Variants in ECHDC1 observed in about 807,000 individuals in gnomAD.
The protein encoded by ECHDC1 is ethylmalonyl-CoA decarboxylase 1.
ECHDC1 carries 29 observed loss-of-function variants against 29.7 expected under a neutral mutation model. That is an observed-to-expected ratio of 0.98 (90% CI 0.73 to 1.33). ECHDC1 has a LOEUF of 1.33. Ranked by LOEUF, ECHDC1 falls within the 40% of genes most tolerant of loss-of-function variation. The pLI is 0.00. For missense variants in ECHDC1, 328 were observed against 350.0 expected (o/e 0.94, Z 0.50); for synonymous variants, 126 against 123.1 (o/e 1.02, Z -0.15).
chr6:127,327,724 G>A (rs1056243385), intron 2 of ECHDC1, among the ~76,000 whole-genome samples: 6 of 152,148 alleles, frequency 3.9e-5, no homozygotes, highest in Non-Finnish European at 5.9e-5. Flanking sequence ...TGAGGCATAC[G>A]ATGGAAGTTC....
At position 127,324,342 on chromosome 6, in the gene ECHDC1, C is replaced by T. The variant is rs1294074461; in HGVS notation, c.363+2660G>A. On this transcript the variant is annotated intron_variant, in intron 3 of 5. Coordinates refer to ENST00000454859, the MANE Select transcript of ECHDC1 (RefSeq NM_001002030.2). ...CATTAGCTAACTCAATCCTCAAAAA[C>T]GCCTGTGAGATAGATTTTATATATC... Among the ~76,000 whole-genome samples the T allele has an allele frequency of 3.9e-5, 6 of 152,116 alleles. 1 individual carries two copies. The highest frequency in any genetic ancestry group is 9.7e-5 in the African/African-American group (4 of 41,418).
intron 3 of ECHDC1, among the ~76,000 whole-genome samples, chr6:127,316,747 A>AGAT (rs1782415630): frequency 6.6e-6 from 1 of 152,140 alleles, no homozygotes; most frequent in Non-Finnish European, 1.5e-5. Context: ...GATAAGAGAC[A>AGAT]GATCACATAC....
At chr6:127,321,279 T>C (rs1019859702) in intron 3 of ECHDC1, among the ~76,000 whole-genome samples, 5 of 152,198 alleles carry the variant, frequency 3.3e-5, no homozygotes, top group African/African-American at 1.2e-4. Context: ...AGAGCCTCAC[T>C]AACAGACAAA....
At chr6:127,297,171 T>G (rs76547443) in intron 5 of ECHDC1, among the ~76,000 whole-genome samples, 1 of 152,196 alleles carries the variant, frequency 6.6e-6, no homozygotes, top group Non-Finnish European at 1.5e-5. Flanking sequence ...CTATCTCTTA[T>G]GGAAGAAAAT....
chr6:127,303,374 T>C (rs1432937903), intron 5 of ECHDC1, among the ~76,000 whole-genome samples: 1 of 152,210 alleles, frequency 6.6e-6, no homozygotes, highest in African/African-American at 2.4e-5. Flanking sequence ...TTCAAAGTGC[T>C]AATCCAGTGA....
intron 1 of ECHDC1, among the ~76,000 whole-genome samples, chr6:127,338,527 G>A (rs1321767734): frequency 1.3e-5 from 2 of 151,896 alleles, no homozygotes; most frequent in East Asian, 3.9e-4. Context: ...GAATTATGAT[G>A]CTTTATTGCC....
intron 3 of ECHDC1, among the ~76,000 whole-genome samples, chr6:127,318,698 T>G (rs994167132): frequency 6.6e-6 from 1 of 152,352 alleles, no homozygotes; most frequent in East Asian, 1.9e-4. Flanking sequence ...GGTGACAGTA[T>G]GCCTTCCCCC....
rs1779994515 is a variant in ECHDC1, at chr6:127,290,020, TC to T, written c.754del (p.Glu252LysfsTer2). ...AGATTTTTTCAAAGCTCTAATTACT[TC>T]CGGTGGCCCTTGGATGAATTGCTTT... ...WLKQFIQGPP[E>X]VIRALKKSVC... is the part of the protein sequence containing the mutation. On this transcript the variant is annotated frameshift_variant, in exon 6 of 6. Coordinates refer to ENST00000454859, the MANE Select transcript of ECHDC1 (RefSeq NM_001002030.2). LOFTEE classifies it high-confidence loss of function. The T allele has an allele frequency of 6.2e-7, 1 of 1,613,626 alleles. No homozygotes were observed.
chr6:127,323,672 C>G (rs1193015561), intron 3 of ECHDC1, among the ~76,000 whole-genome samples: 2 of 152,112 alleles, frequency 1.3e-5, no homozygotes, highest in East Asian at 1.9e-4. Flanking sequence ...AGCCAGTGTT[C>G]TGATTAACCA....
intron 5 of ECHDC1, among the ~76,000 whole-genome samples, chr6:127,302,459 C>T (rs1033645929): frequency 6.6e-6 from 1 of 151,556 alleles, no homozygotes; most frequent in African/African-American, 2.4e-5. Flanking sequence ...GAGTGCAGTG[C>T]CGCCATCTCA....
At chr6:127,301,722 A>C (rs1781067386) in intron 5 of ECHDC1, among the ~76,000 whole-genome samples, 1 of 152,220 alleles carries the variant, frequency 6.6e-6, no homozygotes, top group African/African-American at 2.4e-5. Flanking sequence ...GCGGGTTTTA[A>C]AAGGGCTGAG....
At chr6:127,311,669 C>CAAAAAAAAA (rs71272311) in intron 5 of ECHDC1, among the ~76,000 whole-genome samples, 9 of 25,038 alleles carry the variant, frequency 3.6e-4, no homozygotes, top group African/African-American at 6.5e-4. Flanking sequence ...GGCTCTGTCT[C>CAAAAAAAAA]AAAAAAAAAA....
intron 5 of ECHDC1, among the ~76,000 whole-genome samples, chr6:127,295,826 G>A (rs1012881632): frequency 6.6e-6 from 1 of 152,140 alleles, no homozygotes; most frequent in Non-Finnish European, 1.5e-5. Context: ...AATTATCACA[G>A]CATTAATCAT....
intron 5 of ECHDC1, among the ~76,000 whole-genome samples, chr6:127,313,799 A>G (rs1169753090): frequency 2.6e-5 from 4 of 152,218 alleles, no homozygotes; most frequent in Non-Finnish European, 4.4e-5. Flanking sequence ...GTTGTATAAG[A>G]TAATCTTAAA....
At position 127,312,428 on chromosome 6, in the gene ECHDC1, A is replaced by C. The variant is rs149056296; in HGVS notation, c.497+2388T>G. Among the ~76,000 whole-genome samples the C allele has an allele frequency of 3.3e-5, 5 of 152,302 alleles. 1 individual carries two copies. Among genetic ancestry groups the C allele is most frequent in the Admixed American group, 2.6e-4 (4 of 15,298 alleles). On this transcript the variant is annotated intron_variant, in intron 5 of 5. Transcript: ENST00000454859. Reference sequence around the variant, plus strand: ...AATCTAAACAGCTTGACAGTACCACATGTTGGTATTCATGTGGTGCAGCTG... The same window carrying C: ...AATCTAAACAGCTTGACAGTACCACCTGTTGGTATTCATGTGGTGCAGCTG...
intron 5 of ECHDC1, among the ~76,000 whole-genome samples, chr6:127,302,276 C>T (rs1189703043): frequency 7.9e-5 from 12 of 152,168 alleles, no homozygotes; most frequent in South Asian, 4.2e-4. Context: ...AGGTGAACAC[C>T]GGAATCTATG....
In ECHDC1 at chr6:127,309,892, G is replaced by A. The variant is rs182224151; in HGVS notation, c.497+4924C>T. On this transcript the variant is annotated intron_variant, in intron 5 of 5. Transcript: ENST00000454859. ...ACACTTTTAAACCACCAGTTCTTGT[G>A]AGAACTTACGCACTTATCATGAGAA... Among the ~76,000 whole-genome samples, 23 of 152,244 alleles carry A rather than the reference G, an allele frequency of 1.5e-4. No individual in the cohort carries two copies. The East Asian group carries it at 3.7e-3, about 24-fold the overall frequency.
chr6:127,295,293 G>A (rs1051351514), intron 5 of ECHDC1, among the ~76,000 whole-genome samples: 1 of 152,068 alleles, frequency 6.6e-6, no homozygotes, highest in Non-Finnish European at 1.5e-5. Flanking sequence ...TGAACTAATG[G>A]CTAGCAGCTG....
At position 127,311,965 on chromosome 6, in the gene ECHDC1, C is replaced by T. The variant is rs749163162; in HGVS notation, c.497+2851G>A. Among the ~76,000 whole-genome samples the T allele has an allele frequency of 1.5e-3, 224 of 151,726 alleles. 5 individuals are homozygous for T. The highest frequency in any genetic ancestry group is 6.0e-4 in the Non-Finnish European group (41 of 67,924). ...TATATGGGAGTTATATGTATGATTT[C>T]GTCAAGTTTTTCATAAGTGTATAGT... is the stretch of plus-strand genomic sequence containing the variant. On this transcript the variant is annotated intron_variant, in intron 5 of 5. Coordinates refer to ENST00000454859, the MANE Select transcript of ECHDC1 (RefSeq NM_001002030.2).
Sources: gnomAD v4.1 joint callset for allele counts (sites outside exome capture counted in the v4.1 genomes callset) on GRCh38, gnomAD v4.1.1 for gene constraint, MANE v1.5 for transcripts, NCBI Gene and HGNC (gene_info 2026-07-23, HGNC 2026-07-21) for gene names.